The following USP34 variants were observed in gnomAD, a reference collection of about 807,000 sequenced individuals.
The protein encoded by USP34 is ubiquitin carboxyl-terminal hydrolase 34.
In USP34, 70 loss-of-function variants were observed where a neutral mutation model predicts 460.3. That is an observed-to-expected ratio of 0.15 (90% CI 0.13 to 0.19). USP34 has a LOEUF of 0.19. Among genes scored for constraint, USP34 ranks in the 10% least tolerant of loss-of-function variants. The probability of loss-of-function intolerance (pLI) is 1.00; values close to 1 mark genes in which losing one functional copy is unlikely to be tolerated. For synonymous variants in USP34, 1,647 were observed against 1,405.3 expected (o/e 1.17, Z -3.85); for missense variants, 3,985 against 4,236.2 (o/e 0.94, Z 1.65).
In USP34 at chr2:61,406,344, T is replaced by C. The variant is rs1212357565; in HGVS notation, c.132-216A>G. Among the ~76,000 whole-genome samples the C allele has an allele frequency of 2.6e-5, 4 of 152,194 alleles. No individual in the cohort carries two copies. In the South Asian group the frequency reaches 8.3e-4, roughly 31 times the overall value. ...GTCATCATGTTAGGTTTACAGCTAT[T>C]ATCTTCAGTTTTACGTATGGATTTG... On this transcript the variant is annotated intron_variant, in intron 2 of 79. Coordinates refer to ENST00000398571, the MANE Select transcript of USP34 (RefSeq NM_014709.4).
chr2:61,245,504 A>T (rs1339673976), intron 50 of USP34, among the ~76,000 whole-genome samples: 1 of 151,744 alleles, frequency 6.6e-6, no homozygotes, highest in Non-Finnish European at 1.5e-5. Flanking sequence ...TCCATTTATG[A>T]CCTAGGATTA....
chr2:61,394,810 G>C, intron 5 of USP34, 43 bp downstream of exon 5: 1 of 1,421,868 alleles, frequency 7.0e-7, no homozygotes, highest in Admixed American at 2.5e-5. Context: ...TGATATGCTA[G>C]ACATTGCTCC....
At chr2:61,392,570 G>A (rs1370682026) in intron 5 of USP34, among the ~76,000 whole-genome samples, 1 of 152,102 alleles carries the variant, frequency 6.6e-6, no homozygotes, top group African/African-American at 2.4e-5. Flanking sequence ...GCTGCAGTGA[G>A]CCAAGATGGT....
At chr2:61,381,878 G>A (rs756137903) in intron 6 of USP34, among the ~76,000 whole-genome samples, 1 of 152,046 alleles carries the variant, frequency 6.6e-6, no homozygotes, top group Non-Finnish European at 1.5e-5. Flanking sequence ...GCCTCTCAAA[G>A]TCTTGTCTTT....
At chr2:61,228,539 G>C (rs1362499313) in intron 61 of USP34, 106 bp downstream of exon 61, 6 of 907,826 alleles carry the variant, frequency 6.6e-6, no homozygotes, top group East Asian at 2.5e-5. Flanking sequence ...CTAACACCAG[G>C]TTCCAGAAGG....
chr2:61,286,156 C>A (rs1051037452), intron 34 of USP34, among the ~76,000 whole-genome samples: 1 of 152,056 alleles, frequency 6.6e-6, no homozygotes, highest in Non-Finnish European at 1.5e-5. Context: ...AAAGATCACA[C>A]GGAAAAATGA....
intron 21 of USP34, among the ~76,000 whole-genome samples, chr2:61,325,134 A>G (rs191853110): frequency 3.4e-4 from 51 of 152,238 alleles, no homozygotes; most frequent in African/African-American, 1.2e-3. Flanking sequence ...TGAAAAATAA[A>G]CTATCGGGTA....
Position 61,314,719 on chromosome 2 carries a change from T to C in USP34, c.3408A>G (p.Gln1136=), listed in dbSNP as rs773787078. The C allele has an allele frequency of 8.8e-6, 14 of 1,584,914 alleles. No homozygotes were observed. Among genetic ancestry groups the C allele is most frequent in the Middle Eastern group, 1.7e-4 (1 of 5,918 alleles). The stretch of plus-strand genomic sequence containing the variant: ...TCTCCATGCACTTACTAATAAATTC[T>C]TGCTCCTTCTCCAAACCTGTTTTAC... ...INGKTGLEKE[Q]EFISKCMESL... is the part of the protein sequence containing the mutation. The change falls in exon 25 of 80, where the codon CAA becomes CAG. Residue 1136 remains glutamine, a synonymous_variant. Transcript: ENST00000398571.
chr2:61,453,772 T>C (rs1423498982), intron 1 of USP34, among the ~76,000 whole-genome samples: 1 of 147,606 alleles, frequency 6.8e-6, no homozygotes, highest in Non-Finnish European at 1.5e-5. Flanking sequence ...CAAATTTACA[T>C]CTTGACCTGG....
chr2:61,451,761 C>T (rs535785639), intron 1 of USP34, among the ~76,000 whole-genome samples: 1 of 151,878 alleles, frequency 6.6e-6, no homozygotes, highest in East Asian at 1.9e-4. Context: ...TTCAAATTTG[C>T]TAAAATCACT....
chr2:61,256,018 C>A (rs767005743), intron 48 of USP34, among the ~76,000 whole-genome samples: 2 of 152,150 alleles, frequency 1.3e-5, no homozygotes, highest in Non-Finnish European at 2.9e-5. Context: ...TGGGGTCTTG[C>A]AACATTTCCC....
chr2:61,462,645 G>C (rs1695638192), intron 1 of USP34, among the ~76,000 whole-genome samples: 1 of 151,712 alleles, frequency 6.6e-6, no homozygotes, highest in South Asian at 2.1e-4. Context: ...CGGATCACTT[G>C]AGGCCAGGAG....
At position 61,287,103 on chromosome 2, in the gene USP34, C is replaced by T. The variant is rs372128364; in HGVS notation, c.4749+1574G>A. ...ATTATATTGTACTCTGCATATATTT[C>T]GTTTTATTAGATGTAAATGATTTGG... On this transcript the variant is annotated intron_variant, in intron 34 of 79. Coordinates refer to ENST00000398571, the MANE Select transcript of USP34 (RefSeq NM_014709.4). Among the ~76,000 whole-genome samples the T allele has an allele frequency of 8.5e-5, 13 of 152,266 alleles. No homozygotes were observed. The East Asian group carries it at 1.3e-3, about 16-fold the overall frequency.
chr2:61,314,444 A>G, intron 25 of USP34, 141 bp downstream of exon 25: 1 of 685,310 alleles, frequency 1.5e-6, no homozygotes, highest in Non-Finnish European at 2.2e-6. Context: ...AAAATTACTT[A>G]TGTTACTGAT....
At chr2:61,327,038 G>A (rs1558531644) in intron 20 of USP34, among the ~76,000 whole-genome samples, 1 of 151,950 alleles carries the variant, frequency 6.6e-6, no homozygotes, top group East Asian at 1.9e-4. Context: ...CACCCACCTT[G>A]GCCTCCCAAA....
chr2:61,451,813 A>G (rs187688715), intron 1 of USP34, among the ~76,000 whole-genome samples: 6 of 152,324 alleles, frequency 3.9e-5, no homozygotes, highest in Non-Finnish European at 8.8e-5. Flanking sequence ...CCTACTTCAT[A>G]CTTGATACCA....
At chr2:61,336,809 CAAAAAA>C (rs10593128) in intron 18 of USP34, among the ~76,000 whole-genome samples, 4 of 65,048 alleles carry the variant, frequency 6.1e-5, no homozygotes, top group East Asian at 5.1e-4. Flanking sequence ...GACTCCATCT[CAAAAAA>C]AAAAAAAAAA....
At chr2:61,441,802 C>CAAAAA (rs70963429) in intron 1 of USP34, among the ~76,000 whole-genome samples, 31 of 97,302 alleles carry the variant, frequency 3.2e-4, no homozygotes, top group South Asian at 9.6e-4. Flanking sequence ...GACTGCATTA[C>CAAAAA]AAAAAAAAAA....
intron 10 of USP34, among the ~76,000 whole-genome samples, chr2:61,353,826 G>T (rs1298661661): frequency 6.6e-6 from 1 of 152,024 alleles, no homozygotes; most frequent in Non-Finnish European, 1.5e-5. Flanking sequence ...CAAAGGGACA[G>T]AAATTATAAA....
Sources: allele counts gnomAD v4.1 joint callset (sites outside exome capture counted in the v4.1 genomes callset), GRCh38; gene constraint gnomAD v4.1.1; transcripts MANE v1.5; gene names NCBI Gene and HGNC (gene_info 2026-07-23, HGNC 2026-07-21).